Variants in SYN3 observed in about 807,000 individuals in gnomAD.
SYN3 encodes the protein synapsin-3.
In SYN3, 35 loss-of-function variants were observed where a neutral mutation model predicts 65.8. The ratio of observed to expected loss-of-function variants is 0.53; its 90% CI spans 0.41 to 0.70. SYN3 has a LOEUF of 0.70. Ranked by LOEUF, SYN3 falls within the 30% of genes least tolerant of loss-of-function variation. The pLI is 0.00. For missense variants in SYN3, 680 were observed against 749.0 expected (o/e 0.91, Z 1.08); for synonymous variants, 270 against 292.9 (o/e 0.92, Z 0.80).
At chr22:32,637,885 C>T (rs915087176) in intron 6 of SYN3, among the ~76,000 whole-genome samples, 4 of 152,064 alleles carry the variant, frequency 2.6e-5, no homozygotes, top group East Asian at 1.9e-4. Flanking sequence ...ATGATCCACC[C>T]GCCTTGGCCT....
chr22:32,871,738 G>T (rs1601592753), intron 4 of SYN3, among the ~76,000 whole-genome samples: 1 of 152,154 alleles, frequency 6.6e-6, no homozygotes, highest in East Asian at 1.9e-4. Flanking sequence ...CTCCCAAGTA[G>T]CTGGGACTAC....
intron 9 of SYN3, among the ~76,000 whole-genome samples, chr22:32,536,891 C>A (rs144307806): frequency 3.9e-3 from 598 of 152,274 alleles, no homozygotes; most frequent in Non-Finnish European, 6.6e-3. Flanking sequence ...CCCCTTTCTG[C>A]GCAAACCAAT....
At chr22:32,966,776 T>C (rs2051859105) in intron 3 of SYN3, among the ~76,000 whole-genome samples, 1 of 151,814 alleles carries the variant, frequency 6.6e-6, no homozygotes, top group Non-Finnish European at 1.5e-5. Context: ...ATTAGCCAGG[T>C]GTTGTGGTGC....
intron 7 of SYN3, among the ~76,000 whole-genome samples, chr22:32,592,101 G>A (rs1232584149): frequency 6.6e-6 from 1 of 152,192 alleles, no homozygotes; most frequent in Non-Finnish European, 1.5e-5. Context: ...GTGGTTTCAG[G>A]AATCCACTGG....
chr22:32,627,811 AT>A (rs34349165), intron 6 of SYN3, among the ~76,000 whole-genome samples: 29,621 of 151,664 alleles, frequency 0.2, 3,147 homozygotes, highest in Non-Finnish European at 0.2. Context: ...ACAGAGGAGC[AT>A]TTTTTTTGTT....
Position 32,510,017 on chromosome 22 carries a change from T to G in SYN3, c.*3675A>C, listed in dbSNP as rs1328436688. ...CGGCTGTTGTACACAGATACTGGAGTATCTGGGAGATATCCTTTGGATGCT... is the reference window on the plus strand; with the variant it reads ...CGGCTGTTGTACACAGATACTGGAGGATCTGGGAGATATCCTTTGGATGCT... On this transcript the variant is annotated 3_prime_UTR_variant, in exon 14 of 14. Transcript: ENST00000358763. 1.3e-5 allele frequency among the ~76,000 whole-genome samples: 2 copies of G among 152,124 alleles called. No individual in the cohort carries two copies. The highest frequency in any genetic ancestry group is 2.9e-5 in the Non-Finnish European group (2 of 68,018).
intron 4 of SYN3, among the ~76,000 whole-genome samples, chr22:32,871,570 G>A (rs902404774): frequency 3.1e-4 from 47 of 151,976 alleles, no homozygotes; most frequent in Admixed American, 6.6e-5. Context: ...GGTCCCAAAT[G>A]GGTTGCCTGC....
intron 6 of SYN3, among the ~76,000 whole-genome samples, chr22:32,609,988 A>T (rs2059420015): frequency 6.6e-6 from 1 of 152,190 alleles, no homozygotes; most frequent in Non-Finnish European, 1.5e-5. Flanking sequence ...GTCATAAAAG[A>T]ATGTACAATT....
Position 32,990,641 on chromosome 22 carries a change from G to C in SYN3, c.312-9939C>G, listed in dbSNP as rs546136524. Among the ~76,000 whole-genome samples the C allele has an allele frequency of 2.6e-5, 4 of 152,298 alleles. No homozygotes were observed. The East Asian group carries it at 7.7e-4, about 29-fold the overall frequency. On this transcript the variant is annotated intron_variant, in intron 2 of 13. Coordinates refer to ENST00000358763, the MANE Select transcript of SYN3 (RefSeq NM_003490.4). The stretch of plus-strand genomic sequence containing the variant: ...CTAGCCAGGAGATAGTCCCAGAAGA[G>C]GAACTAGACCAAATAGTTACTCTGA...
At chr22:32,944,081 T>C (rs976194911) in intron 3 of SYN3, among the ~76,000 whole-genome samples, 1 of 152,120 alleles carries the variant, frequency 6.6e-6, no homozygotes, top group African/African-American at 2.4e-5. Context: ...TGAACTCAGC[T>C]CTGCACCAAG....
intron 11 of SYN3, among the ~76,000 whole-genome samples, chr22:32,528,269 C>T (rs1000916160): frequency 1.3e-5 from 2 of 152,158 alleles, no homozygotes; most frequent in Non-Finnish European, 2.9e-5. Context: ...AGTATAATAA[C>T]TACGATTCTG....
At chr22:32,985,925 A>AGCTGG (rs1409394725) in intron 2 of SYN3, among the ~76,000 whole-genome samples, 1 of 151,920 alleles carries the variant, frequency 6.6e-6, no homozygotes, top group Non-Finnish European at 1.5e-5. Context: ...CCCCTTCCCT[A>AGCTGG]GCTGGGCTGA....
chr22:33,003,447 G>A (rs766436395), intron 2 of SYN3, among the ~76,000 whole-genome samples: 3 of 152,162 alleles, frequency 2.0e-5, no homozygotes, highest in Non-Finnish European at 4.4e-5. Flanking sequence ...TGGTGATATG[G>A]ATAATGAAGT....
chr22:32,988,307 A>AAATAATAATAAT (rs58058197), intron 2 of SYN3, among the ~76,000 whole-genome samples: 7,252 of 142,412 alleles, frequency 0.051, 276 homozygotes, highest in East Asian at 0.19. Flanking sequence ...CTCTGTCTCA[A>AAATAATAATAAT]AATAATAATA....
intron 6 of SYN3, among the ~76,000 whole-genome samples, chr22:32,670,395 G>GA (rs1346873604): frequency 1.3e-5 from 2 of 152,190 alleles, no homozygotes. Flanking sequence ...CTATAGGGGG[G>GA]AAAAGATCCT....
chr22:33,044,042 ACT>A lies in SYN3; in HGVS notation c.-163+14248_-163+14249del, dbSNP rs1013783225. Among the ~76,000 whole-genome samples the A allele has an allele frequency of 7.3e-5, 11 of 150,262 alleles. 1 individual carries two copies. In the South Asian group the frequency reaches 8.5e-4, roughly 12 times the overall value. On this transcript the variant is annotated intron_variant, in intron 1 of 13. Transcript: ENST00000358763. ...CACACCATCCTGATGACAGAGTGAGACTCTGTCTCAAAAAAAAAAAAAAGTGC... is the reference window on the plus strand; with the variant it reads ...CACACCATCCTGATGACAGAGTGAGACTGTCTCAAAAAAAAAAAAAAGTGC...
At chr22:32,830,365 C>T (rs2047537152) in intron 6 of SYN3, among the ~76,000 whole-genome samples, 1 of 152,158 alleles carries the variant, frequency 6.6e-6, no homozygotes, top group South Asian at 2.1e-4. Context: ...TTGCATCTCC[C>T]TTTTCAAGCT....
intron 7 of SYN3, among the ~76,000 whole-genome samples, chr22:32,570,713 T>C (rs1160651268): frequency 2.0e-5 from 3 of 152,160 alleles, no homozygotes; most frequent in Non-Finnish European, 2.9e-5. Context: ...CCTCTCATTT[T>C]GCAGCTGAGG....
intron 6 of SYN3, among the ~76,000 whole-genome samples, chr22:32,830,913 G>A (rs1050589848): frequency 6.6e-6 from 1 of 152,190 alleles, no homozygotes; most frequent in Non-Finnish European, 1.5e-5. Flanking sequence ...CCTCAGCCTG[G>A]ATGGGGTTTT....
Sources: allele counts gnomAD v4.1 joint callset (sites outside exome capture counted in the v4.1 genomes callset), GRCh38; gene constraint gnomAD v4.1.1; transcripts MANE v1.5; gene names NCBI Gene and HGNC (gene_info 2026-07-23, HGNC 2026-07-21).